DPT: variants seen among roughly 807,000 people sequenced by gnomAD.
DPT encodes tyrosine-rich acidic matrix protein.
In DPT, 21 loss-of-function variants were observed where a neutral mutation model predicts 31.2. The ratio of observed to expected loss-of-function variants is 0.67; its 90% CI spans 0.48 to 0.97. The LOEUF is 0.97. DPT is among the 50% of genes least tolerant of loss of function. The pLI, the probability that DPT is intolerant of heterozygous loss-of-function variation, is 0.00. For synonymous variants in DPT, 91 were observed against 86.9 expected (o/e 1.05, Z -0.26); for missense variants, 262 against 258.8 (o/e 1.01, Z -0.08).
chr1:168,714,497 T>C (rs1649935062), intron 1 of DPT, 151 bp from the exon 2 acceptor site: 9 of 1,085,896 alleles, frequency 8.3e-6, no homozygotes, highest in Non-Finnish European at 1.1e-5. Context: ...TTTATTATAT[T>C]TGTAGAAATA....
At chr1:168,704,996 A>G (rs762724000) in intron 2 of DPT, among the ~76,000 whole-genome samples, 2 of 152,238 alleles carry the variant, frequency 1.3e-5, no homozygotes, top group Non-Finnish European at 2.9e-5. Context: ...GACATATTGC[A>G]GAGCTGAGTC....
Position 168,696,178 on chromosome 1 carries a change from C to T in DPT, c.*371G>A. The T allele has an allele frequency of 7.1e-6, 3 of 421,868 alleles. No individual in the cohort carries two copies. Among genetic ancestry groups the T allele is most frequent in the Non-Finnish European group, 1.2e-5 (3 of 240,136 alleles). 26.1% of individuals were successfully genotyped at this position (421,868 alleles called of 1,614,324 possible). On this transcript the variant is annotated 3_prime_UTR_variant, in exon 4 of 4. Coordinates refer to ENST00000367817, the MANE Select transcript of DPT (RefSeq NM_001937.5). The stretch of plus-strand genomic sequence containing the variant: ...GCACCTCTCCTCCAGTTCTGCCTCT[C>T]CCCTCCACTATGCTGAACTTGCAGT...
rs148532737 is a variant in DPT at position 168,712,638 on chromosome 1, G to A, written c.431+1583C>T. On this transcript the variant is annotated intron_variant, in intron 2 of 3. Coordinates refer to ENST00000367817, the MANE Select transcript of DPT (RefSeq NM_001937.5). ...ACCTACTCTCCCCTTTCATTAGGGC[G>A]CACTCGTCTTTGGAACTTCCTTCAT... Among the ~76,000 whole-genome samples, 13 of 152,264 alleles carry A rather than the reference G, an allele frequency of 8.5e-5. No individual in the cohort carries two copies. The East Asian group carries it at 1.3e-3, about 16-fold the overall frequency.
intron 2 of DPT, among the ~76,000 whole-genome samples, chr1:168,706,271 G>A (rs1485625767): frequency 6.6e-6 from 1 of 152,078 alleles, no homozygotes; most frequent in Non-Finnish European, 1.5e-5. Flanking sequence ...GTTGGCTTAC[G>A]TTTTATATAT....
chr1:168,698,406 T>G (rs935351389), intron 3 of DPT, among the ~76,000 whole-genome samples: 1 of 152,230 alleles, frequency 6.6e-6, no homozygotes, highest in African/African-American at 2.4e-5. Context: ...ACCAAATGTC[T>G]GTAATTACTG....
chr1:168,721,513 A>C (rs910625810), intron 1 of DPT, among the ~76,000 whole-genome samples: 9 of 152,162 alleles, frequency 5.9e-5, no homozygotes, highest in African/African-American at 2.2e-4. Context: ...TTCAGTAAAT[A>C]TTGGAGCCTA....
Position 168,703,374 on chromosome 1 carries a change from A to C in DPT, c.432-2250T>G, listed in dbSNP as rs73030392. Among the ~76,000 whole-genome samples the C allele has an allele frequency of 1.6e-3, 242 of 152,334 alleles. 1 individual carries two copies. The highest frequency in any genetic ancestry group is 5.6e-3 in the African/African-American group (232 of 41,566). ...GTGGGAAAGAAAAGCTTACCTTTAA[A>C]AACATCAAGAAGTTTTAAGCTTCAA... On this transcript the variant is annotated intron_variant, in intron 2 of 3. Transcript: ENST00000367817.
At chr1:168,727,539 C>CTTTTTTT in intron 1 of DPT, among the ~76,000 whole-genome samples, 1 of 128,142 alleles carries the variant, frequency 7.8e-6, no homozygotes, top group Admixed American at 7.7e-5. Flanking sequence ...TTTCTATTTT[C>CTTTTTTT]TTTTTTTTTT....
intron 2 of DPT, among the ~76,000 whole-genome samples, chr1:168,704,154 C>T (rs181975301): frequency 1.3e-5 from 2 of 151,962 alleles, no homozygotes; most frequent in East Asian, 3.9e-4. Context: ...GGTGTGGTTG[C>T]AGCTTCCTTG....
chr1:168,717,453 T>C (rs1443732529), intron 1 of DPT, among the ~76,000 whole-genome samples: 2 of 152,226 alleles, frequency 1.3e-5, no homozygotes, highest in African/African-American at 4.8e-5. Context: ...TTCTGGATGT[T>C]AGACCTTTGT....
At chr1:168,711,699 G>A (rs979714314) in intron 2 of DPT, among the ~76,000 whole-genome samples, 2 of 152,232 alleles carry the variant, frequency 1.3e-5, no homozygotes, top group Non-Finnish European at 2.9e-5. Context: ...TGAATGTCCT[G>A]TTAGTTGGTG....
chr1:168,720,418 G>T (rs1650075649), intron 1 of DPT, among the ~76,000 whole-genome samples: 1 of 152,072 alleles, frequency 6.6e-6, no homozygotes, highest in Non-Finnish European at 1.5e-5. Context: ...GTGAGTGTCT[G>T]GTTTTGTTGG....
chr1:168,716,372 C>T (rs1476157389), intron 1 of DPT, among the ~76,000 whole-genome samples: 3 of 152,118 alleles, frequency 2.0e-5, no homozygotes, highest in Non-Finnish European at 2.9e-5. Flanking sequence ...CTTGAATTCC[C>T]TGTTCCCAGG....
chr1:168,701,024 C>T lies in DPT; in HGVS notation c.532G>A (p.Val178Met). Residue 178 changes from valine to methionine, a missense_variant, in exon 3 of 4, where the codon GTG becomes ATG. By Grantham distance (21) the Val-to-Met change is conservative. Transcript: ENST00000367817. Reference sequence around the variant, plus strand: ...AGGGGCTGTCTTTCTCACCTTTCCACTGCAGAGAAAGTGGTTGTTGCTCCT... The same window carrying T: ...AGGGGCTGTCTTTCTCACCTTTCCATTGCAGAGAAAGTGGTTGTTGCTCCT... ...IRGATTTFSA[V>M]ERDRQWKFIM... 1 of 1,612,732 alleles carries T rather than the reference C, an allele frequency of 6.2e-7. No individual in the cohort carries two copies. The highest frequency in any genetic ancestry group is 1.1e-5 in the South Asian group (1 of 91,040).
intron 1 of DPT, among the ~76,000 whole-genome samples, chr1:168,716,040 G>C (rs1649979535): frequency 6.6e-6 from 1 of 152,180 alleles, no homozygotes; most frequent in Admixed American, 6.5e-5. Context: ...CACACAAATT[G>C]TAACATTATC....
At chr1:168,725,306 T>C (rs1439733498) in intron 1 of DPT, among the ~76,000 whole-genome samples, 1 of 142,548 alleles carries the variant, frequency 7.0e-6, no homozygotes, top group African/African-American at 2.6e-5. Flanking sequence ...CAATCCTTCC[T>C]TCCTCCCTCC....
At chr1:168,713,563 C>T in intron 2 of DPT, among the ~76,000 whole-genome samples, 1 of 152,186 alleles carries the variant, frequency 6.6e-6, no homozygotes. Flanking sequence ...GTGTTATCAA[C>T]ACCCAGTGTA....
At chr1:168,718,936 T>G (rs10918964) in intron 1 of DPT, among the ~76,000 whole-genome samples, 9,346 of 152,216 alleles carry the variant, frequency 0.061, 943 homozygotes, top group African/African-American at 0.21. Flanking sequence ...CTCCCTGAGC[T>G]GCTGTTTCCC....
intron 2 of DPT, among the ~76,000 whole-genome samples, chr1:168,702,821 A>G (rs1470120110): frequency 1.3e-5 from 2 of 152,134 alleles, no homozygotes; most frequent in Admixed American, 1.3e-4. Flanking sequence ...CATGTTGGCC[A>G]GGCTGGTCTG....
Sources: allele counts gnomAD v4.1 joint callset (sites outside exome capture counted in the v4.1 genomes callset), GRCh38; gene constraint gnomAD v4.1.1; transcripts MANE v1.5; gene names NCBI Gene and HGNC (gene_info 2026-07-23, HGNC 2026-07-21).